RAP1GAP2: variants seen among roughly 807,000 people sequenced by gnomAD.
RAP1GAP2 encodes the protein rap1 GTPase-activating protein 2.
A neutral mutation model predicts 95.0 loss-of-function variants in RAP1GAP2; 27 were observed. The observed-to-expected ratio is 0.28, with a 90% CI of 0.21 to 0.39. RAP1GAP2 has a LOEUF of 0.39. Ranked by LOEUF, RAP1GAP2 falls within the 10% of genes least tolerant of loss-of-function variation. The pLI is 1.00. For synonymous variants in RAP1GAP2, 373 were observed against 380.9 expected (o/e 0.98, Z 0.24); for missense variants, 771 against 970.0 (o/e 0.79, Z 2.72).
chr17:2,943,887 C>A (rs189215548), intron 3 of RAP1GAP2, among the ~76,000 whole-genome samples: 2 of 152,016 alleles, frequency 1.3e-5, no homozygotes, highest in Non-Finnish European at 2.9e-5. Flanking sequence ...TGGTGGCTCA[C>A]GCCTGTAATC....
At chr17:3,001,591 A>G (rs9914288) in intron 14 of RAP1GAP2, among the ~76,000 whole-genome samples, 4,077 of 53,462 alleles carry the variant, frequency 0.076, 696 homozygotes, top group East Asian at 0.11. Context: ...GGAGGTAACA[A>G]GATCAGCCTC....
chr17:3,011,406 C>T (rs2046538764), intron 17 of RAP1GAP2, among the ~76,000 whole-genome samples: 1 of 152,166 alleles, frequency 6.6e-6, no homozygotes, highest in East Asian at 1.9e-4. Flanking sequence ...TGCCTGTGGC[C>T]AGGCCTGTGT....
rs373338165 is a variant in RAP1GAP2, at chr17:2,786,983, G to A, written c.-14+9705G>A. Among the ~76,000 whole-genome samples the A allele has an allele frequency of 5.2e-3, 591 of 113,926 alleles. 6 individuals are homozygous for A. The highest frequency in any genetic ancestry group is 0.018 in the African/African-American group (527 of 29,158). The allele number at this position is 113,926 out of a possible 152,430, so 74.7% of individuals were successfully genotyped here. The stretch of plus-strand genomic sequence containing the variant: ...TTTTTTTTTTTTGAGATGGAGTCTC[G>A]CTCTGTCCCCAGGCTGGTGCGCAGG... On this transcript the variant is annotated intron_variant, in intron 1 of 24. Coordinates refer to the RAP1GAP2 transcript ENST00000540393.
rs2042206583 is a variant in RAP1GAP2 at position 2,906,603 on chromosome 17, G to A, written c.165+1235G>A. 6.6e-6 allele frequency among the ~76,000 whole-genome samples: 1 copy of A among 151,952 alleles called. No individual in the cohort carries two copies. On this transcript the variant is annotated intron_variant, in intron 3 of 24. Transcript: ENST00000254695. The surrounding 1 kb of genome is among the most constrained non-coding windows in gnomAD (Gnocchi z 4.3). The stretch of plus-strand genomic sequence containing the variant: ...TGCCCCAGCACCCAGCTCAGTGTTG[G>A]TATCTGAGCCGGGTGCTGGGCCAGC...
chr17:2,783,998 A>C (rs931839324), intron 1 of RAP1GAP2, among the ~76,000 whole-genome samples: 1 of 152,086 alleles, frequency 6.6e-6, no homozygotes, highest in African/African-American at 2.4e-5. Context: ...ATTGAGATGG[A>C]GTCTTGCTCT....
intron 2 of RAP1GAP2, among the ~76,000 whole-genome samples, chr17:2,806,808 G>A (rs1314316307): frequency 1.3e-5 from 2 of 151,714 alleles, no homozygotes; most frequent in Non-Finnish European, 1.5e-5. Flanking sequence ...CTGCCTCCTG[G>A]GTTCAAGTGA....
At chr17:2,955,257 A>T (rs1419328395) in intron 3 of RAP1GAP2, among the ~76,000 whole-genome samples, 1 of 152,178 alleles carries the variant, frequency 6.6e-6, no homozygotes, top group Non-Finnish European at 1.5e-5. Flanking sequence ...GCAATAGATG[A>T]GGGATCTGAT....
chr17:2,854,115 A>G, intron 2 of RAP1GAP2: 2 of 985,424 alleles, frequency 2.0e-6, no homozygotes, highest in Non-Finnish European at 2.4e-6. Context: ...AAACCCCTGC[A>G]GCGCCGGCCG....
intron 8 of RAP1GAP2, among the ~76,000 whole-genome samples, chr17:2,974,172 T>C (rs2044998229): frequency 7.3e-6 from 1 of 137,250 alleles, no homozygotes; most frequent in African/African-American, 2.9e-5. Context: ...AAACCCTGTC[T>C]CTACTAAAAA....
intron 1 of RAP1GAP2, among the ~76,000 whole-genome samples, chr17:2,758,080 C>T (rs183769466): frequency 4.7e-5 from 7 of 149,360 alleles, no homozygotes; most frequent in Admixed American, 1.3e-4. Context: ...CATGTTAGCC[C>T]GGATGGTGTC....
chr17:2,946,823 C>T (rs1359603422), intron 3 of RAP1GAP2, among the ~76,000 whole-genome samples: 4 of 152,150 alleles, frequency 2.6e-5, no homozygotes, highest in South Asian at 2.1e-4. Flanking sequence ...GGCGTGATCT[C>T]GGCTCACTGC....
chr17:2,899,601 C>T (rs185239002), intron 2 of RAP1GAP2, among the ~76,000 whole-genome samples: 1 of 152,196 alleles, frequency 6.6e-6, no homozygotes, highest in African/African-American at 2.4e-5. Context: ...ACCTCTGTCT[C>T]CCAGGTTCAA....
At chr17:2,860,991 T>C (rs1453415749) in intron 2 of RAP1GAP2, among the ~76,000 whole-genome samples, 1 of 152,144 alleles carries the variant, frequency 6.6e-6, no homozygotes, top group Middle Eastern at 3.2e-3. Flanking sequence ...ACCTCCCAAC[T>C]TGTCGTCCTT....
chr17:2,797,599 T>A lies in RAP1GAP2; in HGVS notation c.44+1028T>A. 1 of 717,656 alleles carries A rather than the reference T, an allele frequency of 1.4e-6. No individual in the cohort carries two copies. Among genetic ancestry groups the A allele is most frequent in the Non-Finnish European group, 1.7e-6 (1 of 585,692 alleles). The allele number at this position is 717,656 out of a possible 1,614,324, so 44.5% of individuals were successfully genotyped here. On this transcript the variant is annotated intron_variant, in intron 1 of 24. Transcript: ENST00000254695. The surrounding 1 kb of genome is among the most constrained non-coding windows in gnomAD (Gnocchi z 5.6). ...CTCGGTAATTTTTCGCTTCCGTGTG[T>A]GTGGCTTATTTCCCTCTTCCTCCTC...
chr17:2,922,917 GTGGCACGACCTTGGCTCA>G (rs1158622667), intron 3 of RAP1GAP2, among the ~76,000 whole-genome samples: 2 of 142,428 alleles, frequency 1.4e-5, no homozygotes, highest in African/African-American at 5.2e-5. Context: ...ACCTTGGCTT[GTGGCACGACCTTGGCTCA>G]TGGCACGACC....
chr17:3,019,348 C>T lies in RAP1GAP2; in HGVS notation c.1633-1129C>T, dbSNP rs1192328024. On this transcript the variant is annotated intron_variant, in intron 18 of 24. Transcript: ENST00000254695. Reference sequence around the variant, plus strand: ...GGAACAAAGTGAGACCCCATCTCTACAAAAAAATGCAAAAATTAGCTGAGC... The same window carrying T: ...GGAACAAAGTGAGACCCCATCTCTATAAAAAAATGCAAAAATTAGCTGAGC... 2.6e-5 allele frequency among the ~76,000 whole-genome samples: 4 copies of T among 151,956 alleles called. No individual in the cohort carries two copies. The East Asian group carries it at 7.7e-4, about 29-fold the overall frequency.
chr17:2,760,599 C>T (rs991702287), intron 1 of RAP1GAP2, among the ~76,000 whole-genome samples: 7 of 151,436 alleles, frequency 4.6e-5, no homozygotes, highest in Admixed American at 1.3e-4. Context: ...CCTTGGCCTC[C>T]CAGAGTGCTG....
chr17:2,779,334 G>A (rs548945550), intron 1 of RAP1GAP2, among the ~76,000 whole-genome samples: 107 of 152,290 alleles, frequency 7.0e-4, no homozygotes, highest in Admixed American at 3.1e-3. Context: ...GGCTTCACCC[G>A]GGGTATTTCT....
At chr17:2,836,133 G>C (rs1364222170) in intron 2 of RAP1GAP2, among the ~76,000 whole-genome samples, 7 of 152,150 alleles carry the variant, frequency 4.6e-5, no homozygotes, top group African/African-American at 7.2e-5. Flanking sequence ...CCCTGTGGGA[G>C]AATGAGTGGT....
Sources: allele counts gnomAD v4.1 joint callset (sites outside exome capture counted in the v4.1 genomes callset), GRCh38; gene constraint gnomAD v4.1.1; non-coding constraint Gnocchi (gnomAD v3.1); transcripts MANE v1.5; gene names NCBI Gene and HGNC (gene_info 2026-07-23, HGNC 2026-07-21).